Variants in PHTF1 observed in about 807,000 individuals in gnomAD.
PHTF1 encodes protein PHTF1.
In PHTF1, 88 loss-of-function variants were observed where a neutral mutation model predicts 102.4. The ratio of observed to expected loss-of-function variants is 0.86; its 90% CI spans 0.72 to 1.03. The LOEUF (loss-of-function observed/expected upper bound fraction) is 1.03. Ranked by LOEUF, PHTF1 falls within the 50% of genes least tolerant of loss-of-function variation. PHTF1 has a pLI of 0.00. For synonymous variants in PHTF1, 289 were observed against 305.2 expected, an observed-to-expected ratio of 0.95 and a Z score of 0.55; for missense variants, 814 against 909.5, an observed-to-expected ratio of 0.89 and a Z score of 1.35.
chr1:113,758,633 A>G, intron 2 of PHTF1, 26 bp downstream of exon 2: 1 of 1,397,194 alleles, frequency 7.2e-7, no homozygotes, highest in Non-Finnish European at 9.8e-7. Context: ...TGCTTTACAA[A>G]TAAAAAAAAT....
At chr1:113,707,924 T>C (rs971108782) in intron 11 of PHTF1, among the ~76,000 whole-genome samples, 1 of 148,524 alleles carries the variant, frequency 6.7e-6, no homozygotes, top group Non-Finnish European at 1.5e-5. Flanking sequence ...TTAGAGAAAA[T>C]TATGTCCCAG....
At chr1:113,719,507 C>T (rs1214871808) in intron 7 of PHTF1, among the ~76,000 whole-genome samples, 3 of 152,240 alleles carry the variant, frequency 2.0e-5, no homozygotes, top group South Asian at 4.1e-4. Context: ...GGCAAAATGC[C>T]ACCAGTCTCT....
intron 5 of PHTF1, among the ~76,000 whole-genome samples, chr1:113,729,889 C>T (rs973498597): frequency 3.3e-5 from 5 of 152,138 alleles, no homozygotes; most frequent in Admixed American, 1.3e-4. Flanking sequence ...ACCAAAGCTT[C>T]GGGGAGCTTC....
intron 3 of PHTF1, among the ~76,000 whole-genome samples, chr1:113,743,286 GC>G (rs1656706393): frequency 6.7e-6 from 1 of 149,138 alleles, no homozygotes; most frequent in Non-Finnish European, 1.5e-5. Flanking sequence ...GACACACACA[GC>G]CAAGGCCTAC....
intron 6 of PHTF1, 33 bp from the exon 7 acceptor site, chr1:113,724,926 T>C: frequency 1.0e-5 from 15 of 1,506,862 alleles, no homozygotes; most frequent in Non-Finnish European, 1.3e-5. Flanking sequence ...CTTCAGATTA[T>C]TCAAGACCCT....
At chr1:113,742,968 T>G (rs577881209) in intron 3 of PHTF1, among the ~76,000 whole-genome samples, 3 of 151,764 alleles carry the variant, frequency 2.0e-5, no homozygotes, top group South Asian at 2.1e-4. Flanking sequence ...CAAGGAGTTT[T>G]TTGTTGTTGT....
intron 3 of PHTF1, among the ~76,000 whole-genome samples, chr1:113,746,480 C>T (rs1254130413): frequency 6.6e-6 from 1 of 152,138 alleles, no homozygotes; most frequent in African/African-American, 2.4e-5. Flanking sequence ...ACTCACATGA[C>T]AGTAAGTGCA....
At chr1:113,710,810 A>ATAT (rs1170593121) in intron 10 of PHTF1, among the ~76,000 whole-genome samples, 387 of 122,672 alleles carry the variant, frequency 3.2e-3, no homozygotes, top group Non-Finnish European at 4.9e-3. Context: ...ATATATATAT[A>ATAT]TTTTTTTTTT....
chr1:113,749,813 T>A (rs1189019375), intron 3 of PHTF1, among the ~76,000 whole-genome samples: 2 of 152,292 alleles, frequency 1.3e-5, no homozygotes, highest in East Asian at 3.9e-4. Flanking sequence ...ACTTAAGAGT[T>A]TTACTTCTTT....
In PHTF1 at chr1:113,697,656, T is replaced by C. The variant is rs771683804; in HGVS notation, c.*49A>G. The C allele has an allele frequency of 7.3e-6, 10 of 1,373,440 alleles. No homozygotes were observed. Among genetic ancestry groups the C allele is most frequent in the South Asian group, 2.3e-5 (2 of 85,634 alleles). The allele number at this position is 1,373,440 out of a possible 1,614,324, so 85.1% of individuals were successfully genotyped here. ...TTTCTGCAGTCATCACTTTCCTTGA[T>C]AGGTAAGTTTTGATACCAGCCAGGG... On this transcript the variant is annotated 3_prime_UTR_variant, in exon 19 of 19. Transcript: ENST00000369604.
At chr1:113,733,783 A>T (rs1479100981) in intron 5 of PHTF1, among the ~76,000 whole-genome samples, 1 of 152,196 alleles carries the variant, frequency 6.6e-6, no homozygotes, top group Non-Finnish European at 1.5e-5. Context: ...TATCAGCCCA[A>T]GTGGCATAAG....
chr1:113,703,072 AAC>A (rs1401964267), intron 15 of PHTF1, among the ~76,000 whole-genome samples: 1 of 152,228 alleles, frequency 6.6e-6, no homozygotes, highest in Non-Finnish European at 1.5e-5. Flanking sequence ...CAGAAGAGGA[AAC>A]ACAGACAAAT....
chr1:113,706,617 T>C lies in PHTF1; in HGVS notation c.1375A>G (p.Ile459Val). Residue 459 changes from isoleucine to valine, a missense_variant, in exon 12 of 19, where the codon ATA becomes GTA. Transcript: ENST00000369604. The part of the protein sequence containing the change: ...CKKMDMSVLE[I>V]SGIIMSRVNA... ...ACCCTGCTCATGATGATGCCACTTA[T>C]TTCCAACACAGACATATCCATCTTT... The C allele has an allele frequency of 2.5e-6, 4 of 1,610,674 alleles. No individual in the cohort carries two copies. Among genetic ancestry groups the C allele is most frequent in the South Asian group, 1.1e-5 (1 of 90,344 alleles).
chr1:113,744,113 T>C (rs1411695205), intron 3 of PHTF1, among the ~76,000 whole-genome samples: 25 of 152,192 alleles, frequency 1.6e-4, no homozygotes, highest in Admixed American at 1.6e-3. Flanking sequence ...CAGGAAAAGA[T>C]TGTAGGACAG....
rs199523087 is a variant in PHTF1 at position 113,710,389 on chromosome 1, A to G, written c.1134T>C (p.Thr378=). 9.9e-6 allele frequency: 16 copies of G among 1,614,136 alleles called. No individual in the cohort carries two copies. Among genetic ancestry groups the G allele is most frequent in the Non-Finnish European group, 1.3e-5 (15 of 1,179,996 alleles). ...GCAGGTCGTCCCATAACATGTCCTC[A>G]GTCTCCGAGTCATGGCGGGTGCTTT... ...DSESTRHDSE[T]EDMLWDDLLH... is the part of the protein sequence containing the mutation. The change falls in exon 11 of 19, where the codon ACT becomes ACC. Residue 378 remains threonine (T), a synonymous_variant. Coordinates refer to ENST00000369604, the MANE Select transcript of PHTF1 (RefSeq NM_001323043.2).
At chr1:113,756,533 A>T (rs1027497595) in intron 3 of PHTF1, among the ~76,000 whole-genome samples, 2 of 152,232 alleles carry the variant, frequency 1.3e-5, no homozygotes, top group Admixed American at 1.3e-4. Context: ...CCCTGAATCC[A>T]TAAGATTTAA....
At chr1:113,703,456 G>T (rs749989045) in intron 15 of PHTF1, among the ~76,000 whole-genome samples, 1 of 152,166 alleles carries the variant, frequency 6.6e-6, no homozygotes, top group Non-Finnish European at 1.5e-5. Context: ...GTTTCTAGGG[G>T]CTCCCACTGG....
intron 7 of PHTF1, among the ~76,000 whole-genome samples, chr1:113,721,856 A>AT (rs972925900): frequency 3.8e-4 from 56 of 145,608 alleles, no homozygotes; most frequent in Admixed American, 4.1e-4. Context: ...CGCCCGGCTA[A>AT]TTTTTTTTTT....
rs1378876861 is a variant in PHTF1 at position 113,724,804 on chromosome 1, G to C, written c.578C>G (p.Ser193Cys). 8.1e-6 allele frequency: 13 copies of C among 1,611,874 alleles called. No individual in the cohort carries two copies. The highest frequency in any genetic ancestry group is 9.3e-6 in the Non-Finnish European group (11 of 1,178,884). ...DKVRGIETLE[S>C]VPIIGGFWET... The stretch of plus-strand genomic sequence containing the variant: ...CCAAAAACCACCAATAATGGGTACA[G>C]ATTCCAAAGTTTCTATTCCTCTGAC... The change falls in exon 7 of 19, where the codon TCT becomes TGT. Residue 193 changes from serine to cysteine, a missense_variant. Transcript: ENST00000369604.
Sources: gnomAD v4.1 joint callset for allele counts (sites outside exome capture counted in the v4.1 genomes callset) on GRCh38, gnomAD v4.1.1 for gene constraint, MANE v1.5 for transcripts, NCBI Gene and HGNC (gene_info 2026-07-23, HGNC 2026-07-21) for gene names.